The following SP140 variants were observed in gnomAD, a reference collection of about 807,000 sequenced individuals.
SP140 encodes the protein nuclear body protein SP140.
In SP140, 81 loss-of-function variants were observed where a neutral mutation model predicts 125.0. That is an observed-to-expected ratio of 0.65 (90% CI 0.54 to 0.78). The LOEUF (loss-of-function observed/expected upper bound fraction) is 0.78, where lower values mean the gene tolerates loss of function less well. Ranked by LOEUF, SP140 falls within the 30% of genes least tolerant of loss-of-function variation. The probability of loss-of-function intolerance (pLI) is 0.00; values close to 1 mark genes in which losing one functional copy is unlikely to be tolerated. For synonymous variants in SP140, 312 were observed against 354.0 expected (o/e 0.88, Z 1.33); for missense variants, 858 against 1,037.0 (o/e 0.83, Z 2.37).
intron 22 of SP140, among the ~76,000 whole-genome samples, chr2:230,302,188 A>T (rs906869289): frequency 2.0e-5 from 3 of 151,830 alleles, no homozygotes; most frequent in Non-Finnish European, 2.9e-5. Context: ...GATCAAGACC[A>T]TCCTGGCTAA....
Position 230,243,789 on chromosome 2 carries a change from C to G in SP140, c.549C>G (p.Ser183Arg). ...DDIAVPQEAL[S>R]SSPRCEPGFS... ...TAGCAGTGCCTCAGGAAGCCTTGAG[C>G]TCCTCGCCAAGGTGTGAGCCAGGTA... Residue 183 changes from serine (S) to arginine (R), a missense_variant, in exon 5 of 27, where the codon AGC becomes AGG. Ser to Arg is a moderately radical substitution (Grantham distance 110, BLOSUM62 -1). Coordinates refer to ENST00000392045, the MANE Select transcript of SP140 (RefSeq NM_007237.5). 6.2e-7 allele frequency: 1 copy of G among 1,612,584 alleles called. No homozygotes were observed. The highest frequency in any genetic ancestry group is 1.1e-5 in the South Asian group (1 of 91,034).
At chr2:230,289,785 G>T (rs1040293153) in intron 18 of SP140, among the ~76,000 whole-genome samples, 1 of 152,060 alleles carries the variant, frequency 6.6e-6, no homozygotes, top group Non-Finnish European at 1.5e-5. Context: ...CTACACCTTT[G>T]GTTGGAAGGG....
intron 1 of SP140, among the ~76,000 whole-genome samples, chr2:230,229,368 G>A (rs757064741): frequency 4.7e-5 from 7 of 149,132 alleles, no homozygotes; most frequent in Non-Finnish European, 1.0e-4. Flanking sequence ...TATTATATCT[G>A]CATTTATTTC....
chr2:230,299,127 T>C (rs751010345), intron 22 of SP140, among the ~76,000 whole-genome samples: 13 of 152,196 alleles, frequency 8.5e-5, no homozygotes, highest in Non-Finnish European at 1.6e-4. Flanking sequence ...GAACAGCGTG[T>C]TGAGACTCAC....
chr2:230,225,826 G>C lies in SP140; in HGVS notation c.-19G>C. Reference sequence around the variant, plus strand: ...CGGGGCAGTGAAAATCGAATCGGGTGTGATCCTAGGCCAAGCTCATGGCCC... The same window carrying C: ...CGGGGCAGTGAAAATCGAATCGGGTCTGATCCTAGGCCAAGCTCATGGCCC... On this transcript the variant is annotated 5_prime_UTR_variant, in exon 1 of 27. Coordinates refer to ENST00000392045, the MANE Select transcript of SP140 (RefSeq NM_007237.5). The C allele has an allele frequency of 1.2e-6, 2 of 1,612,588 alleles. No homozygotes were observed. Among genetic ancestry groups the C allele is most frequent in the Non-Finnish European group, 1.7e-6 (2 of 1,178,608 alleles).
At chr2:230,186,189 T>A in the SP140 span, 2 of 1,599,132 alleles carry the variant, frequency 1.3e-6, no homozygotes, top group Middle Eastern at 1.7e-4. Context: ...TCCCTTCTCA[T>A]GTTCCCAGCC....
intron 17 of SP140, 27 bp from the exon 18 acceptor site, chr2:230,287,865 T>C: frequency 6.3e-7 from 1 of 1,581,852 alleles, no homozygotes; most frequent in Non-Finnish European, 8.6e-7. Flanking sequence ...CATAAATGAC[T>C]GTGATTATAT....
intron 12 of SP140, among the ~76,000 whole-genome samples, chr2:230,266,633 G>A (rs2053168794): frequency 6.6e-6 from 1 of 152,212 alleles, no homozygotes; most frequent in Non-Finnish European, 1.5e-5. Flanking sequence ...CTTGGCTGAA[G>A]GCTCTGAGAA....
chr2:230,300,417 C>T (rs1352461503), intron 22 of SP140, among the ~76,000 whole-genome samples: 1 of 152,182 alleles, frequency 6.6e-6, no homozygotes, highest in East Asian at 1.9e-4. Flanking sequence ...CCTGCTACCT[C>T]CACTGGAGCA....
rs979550628 is a variant in SP140, at chr2:230,237,369, C to T, written c.237+109C>T. On this transcript the variant is annotated intron_variant, in intron 2 of 26. Coordinates refer to ENST00000392045, the MANE Select transcript of SP140 (RefSeq NM_007237.5). The surrounding 1 kb of genome is among the most constrained non-coding windows in gnomAD (Gnocchi z 5.4). ...GCCTCCTGTGAGTGGGGACCTTCACCATTCTGTAGGTTAGGAGGTGACAGG... is the reference window on the plus strand; with the variant it reads ...GCCTCCTGTGAGTGGGGACCTTCACTATTCTGTAGGTTAGGAGGTGACAGG... 6.6e-6 allele frequency: 6 copies of T among 915,828 alleles called. No homozygotes were observed. In the African/African-American group the frequency reaches 6.7e-5, roughly 10 times the overall value. 56.7% of individuals were successfully genotyped at this position (915,828 alleles called of 1,614,324 possible). A position where few individuals can be genotyped will look rare whatever the true frequency, so the allele number is the denominator to read the frequency against.
the SP140 span, among the ~76,000 whole-genome samples, chr2:230,193,626 C>T: frequency 1.3e-5 from 2 of 152,248 alleles, no homozygotes; most frequent in Non-Finnish European, 2.9e-5. Flanking sequence ...CTTAGCTTTG[C>T]CAGATACAAA....
upstream of SP140, chr2:230,221,858 T>C (rs545135522): frequency 5.7e-5 from 49 of 857,992 alleles, no homozygotes; most frequent in African/African-American, 5.3e-4. Flanking sequence ...ATAAAGTCAA[T>C]GTCAAATCAG....
At chr2:230,206,684 A>C (rs2043896544) in intron 1 of SP140, among the ~76,000 whole-genome samples, 3 of 142,350 alleles carry the variant, frequency 2.1e-5, no homozygotes, top group African/African-American at 7.7e-5. Context: ...ATTGTGGGGA[A>C]TATAACTTCC....
In SP140 at chr2:230,294,324, T is replaced by TATTA. The variant is rs776024876; in HGVS notation, c.2016+7_2016+10dup. The TATTA allele has an allele frequency of 6.2e-7, 1 of 1,602,340 alleles. No individual in the cohort carries two copies. Among genetic ancestry groups the TATTA allele is most frequent in the South Asian group, 1.1e-5 (1 of 90,824 alleles). ...TACGTTACAGGAAAAAAAAGGTGAT[T>TATTA]ATTACATAGCTTTATACAGCTTCTT... On this transcript the variant is annotated splice_region_variant and intron_variant, in intron 21 of 26. Coordinates refer to ENST00000392045, the MANE Select transcript of SP140 (RefSeq NM_007237.5).
Position 230,292,505 on chromosome 2 carries a change from T to A in SP140, c.1826-141T>A, listed in dbSNP as rs372955527. 127 of 1,115,116 alleles carry A rather than the reference T, an allele frequency of 1.1e-4. 1 individual carries two copies. In the South Asian group the frequency reaches 1.8e-3, roughly 16 times the overall value. 69.1% of individuals were successfully genotyped at this position (1,115,116 alleles called of 1,614,324 possible). ...TTTCAGGCTGGATTTGGGGCCTCTG[T>A]AGTCTGAGAGGGAAGGCCAGACTCT... On this transcript the variant is annotated intron_variant, in intron 19 of 26. Transcript: ENST00000392045.
chr2:230,294,006 G>C, intron 20 of SP140, among the ~76,000 whole-genome samples: 1 of 152,180 alleles, frequency 6.6e-6, no homozygotes, highest in Non-Finnish European at 1.5e-5. Flanking sequence ...TAGGTGGTAT[G>C]AGATTGTGAA....
chr2:230,248,469 GA>G (rs1308822937), intron 8 of SP140, among the ~76,000 whole-genome samples: 1 of 151,566 alleles, frequency 6.6e-6, no homozygotes, highest in Non-Finnish European at 1.5e-5. Flanking sequence ...AGGCTTTAAG[GA>G]AAAAAAATGC....
chr2:230,245,774 C>A (rs2049350819), intron 6 of SP140, 89 bp from the exon 7 acceptor site: 2 of 838,460 alleles, frequency 2.4e-6, no homozygotes, highest in Non-Finnish European at 2.0e-6. Context: ...GGGAGCAGTT[C>A]TACACCCGAA....
chr2:230,270,436 C>T (rs568599173), intron 14 of SP140, 150 bp from the exon 15 acceptor site: 31 of 753,080 alleles, frequency 4.1e-5, no homozygotes, highest in African/African-American at 2.0e-4. Context: ...GTTCTCAGTT[C>T]GGTGGGTTTT....
Sources: gnomAD v4.1 joint callset for allele counts (sites outside exome capture counted in the v4.1 genomes callset) on GRCh38, gnomAD v4.1.1 for gene constraint, Gnocchi (gnomAD v3.1) non-coding constraint, MANE v1.5 for transcripts, NCBI Gene and HGNC (gene_info 2026-07-23, HGNC 2026-07-21) for gene names.